CELF2: variants seen among roughly 807,000 people sequenced by gnomAD.
The protein encoded by CELF2 is CUG triplet repeat RNA-binding protein 2.
A neutral mutation model predicts 62.6 loss-of-function variants in CELF2; 8 were observed. The observed-to-expected ratio is 0.13, with a 90% CI of 0.07 to 0.23. The LOEUF (loss-of-function observed/expected upper bound fraction) is 0.23, where lower values mean the gene tolerates loss of function less well. CELF2 is among the 10% of genes least tolerant of loss of function. CELF2 has a pLI of 1.00. For missense variants in CELF2, 333 were observed against 671.0 expected (o/e 0.50, Z 5.56); for synonymous variants, 258 against 250.0 (o/e 1.03, Z -0.30).
At chr10:10,850,959 C>A (rs932367290) in intron 1 of CELF2, among the ~76,000 whole-genome samples, 3 of 152,082 alleles carry the variant, frequency 2.0e-5, no homozygotes, top group Non-Finnish European at 4.4e-5. Flanking sequence ...GCGCCCCCCA[C>A]CATGCCTGGC....
At chr10:11,154,483 A>T (rs546436706) in intron 1 of CELF2, among the ~76,000 whole-genome samples, 75 of 152,356 alleles carry the variant, frequency 4.9e-4, no homozygotes, top group South Asian at 1.4e-3. Context: ...TGGAAAGGAA[A>T]CATGCAGGAT....
the CELF2 span, among the ~76,000 whole-genome samples, chr10:10,539,754 T>C: frequency 3.3e-5 from 5 of 152,152 alleles, no homozygotes; most frequent in Non-Finnish European, 1.5e-5. Flanking sequence ...AGTCCATCAG[T>C]GAAAAAGGCC....
chr10:10,724,523 G>T, the CELF2 span, among the ~76,000 whole-genome samples: 3 of 152,180 alleles, frequency 2.0e-5, no homozygotes, highest in East Asian at 5.8e-4. Flanking sequence ...AGGCATGGTG[G>T]CAGGTGCCTG....
the CELF2 span, among the ~76,000 whole-genome samples, chr10:10,561,373 T>C: frequency 1.3e-5 from 2 of 152,168 alleles, no homozygotes; most frequent in African/African-American, 4.8e-5. Flanking sequence ...GGAAAGTACA[T>C]AGTCATGCTC....
chr10:11,276,748 G>A (rs749549334), intron 8 of CELF2, among the ~76,000 whole-genome samples: 23 of 152,178 alleles, frequency 1.5e-4, no homozygotes, highest in Non-Finnish European at 2.5e-4. Flanking sequence ...GGCTGCTGCC[G>A]AGCGTGCTGT....
intron 1 of CELF2, among the ~76,000 whole-genome samples, chr10:10,866,920 C>CAAAAAA (rs56098222): frequency 1.0e-5 from 1 of 97,742 alleles, no homozygotes; most frequent in African/African-American, 4.3e-5. Context: ...AACTCCTTCT[C>CAAAAAA]AAAAAAAAAA....
At chr10:10,767,397 G>A in the CELF2 span, among the ~76,000 whole-genome samples, 6 of 152,132 alleles carry the variant, frequency 3.9e-5, no homozygotes, top group Non-Finnish European at 8.8e-5. Flanking sequence ...CATCCTGAGG[G>A]TATGTTTTCA....
chr10:10,663,552 A>T, the CELF2 span, among the ~76,000 whole-genome samples: 2 of 152,248 alleles, frequency 1.3e-5, no homozygotes, highest in Non-Finnish European at 2.9e-5. Context: ...AGGTGAAAAC[A>T]GGAAGAAATA....
intron 8 of CELF2, among the ~76,000 whole-genome samples, chr10:11,277,381 T>G (rs1474187878): frequency 6.6e-6 from 1 of 152,130 alleles, no homozygotes; most frequent in Non-Finnish European, 1.5e-5. Flanking sequence ...GGGGCGCCTC[T>G]CTCCCGAATT....
chr10:11,022,708 G>C (rs533118382), intron 1 of CELF2, among the ~76,000 whole-genome samples: 2 of 152,112 alleles, frequency 1.3e-5, no homozygotes, highest in Non-Finnish European at 1.5e-5. Flanking sequence ...GACAGGTTAC[G>C]TTTGGCATGC....
At chr10:10,977,155 T>C (rs573867732) in intron 2 of CELF2, among the ~76,000 whole-genome samples, 4 of 152,282 alleles carry the variant, frequency 2.6e-5, no homozygotes, top group Admixed American at 2.0e-4. Context: ...TTCCAGAACC[T>C]GAAGCTGATC....
At position 11,303,937 on chromosome 10, in the gene CELF2, G is replaced by A. The variant is rs375362109; in HGVS notation, c.977-10202G>A. Among the ~76,000 whole-genome samples the A allele has an allele frequency of 7.9e-5, 12 of 152,292 alleles. No individual in the cohort carries two copies. In the East Asian group the frequency reaches 1.7e-3, roughly 22 times the overall value. ...GACTTAATAGGCTAAGGCATGTGACGTGCTTTTGGCAATGAGCAGCACGTG... is the reference window on the plus strand; with the variant it reads ...GACTTAATAGGCTAAGGCATGTGACATGCTTTTGGCAATGAGCAGCACGTG... On this transcript the variant is annotated intron_variant, in intron 9 of 12. Coordinates refer to ENST00000633077, the MANE Select transcript of CELF2 (RefSeq NM_001326342.2).
At chr10:10,627,814 G>A in the CELF2 span, among the ~76,000 whole-genome samples, 2 of 152,206 alleles carry the variant, frequency 1.3e-5, no homozygotes, top group Non-Finnish European at 2.9e-5. Flanking sequence ...CTTTCTACCA[G>A]AAGATAAGCT....
chr10:10,970,102 T>C (rs2050604618), intron 2 of CELF2, among the ~76,000 whole-genome samples: 1 of 152,178 alleles, frequency 6.6e-6, no homozygotes, highest in South Asian at 2.1e-4. Context: ...AGGGTCTCAC[T>C]CTGTCACCCA....
rs1413085282 is a variant in CELF2, at chr10:10,995,675, G to A, written c.89+75676G>A. Among the ~76,000 whole-genome samples the A allele has an allele frequency of 6.6e-5, 10 of 152,178 alleles. No individual in the cohort carries two copies. Among genetic ancestry groups the A allele is most frequent in the Admixed American group, 6.5e-4 (10 of 15,270 alleles). On this transcript the variant is annotated intron_variant, in intron 2 of 13. Coordinates refer to the CELF2 transcript ENST00000636488. This position sits in a 1 kb window ranked among gnomAD's most constrained non-coding sequence, Gnocchi z 4.7. ...AGAGTTGTAAGCGGGAGACAGCTAT[G>A]ACCATATTTCAGTATTAAATAACTC... is the stretch of plus-strand genomic sequence containing the variant.
At chr10:11,050,191 T>C (rs991299755) in intron 1 of CELF2, among the ~76,000 whole-genome samples, 4 of 152,310 alleles carry the variant, frequency 2.6e-5, no homozygotes, top group African/African-American at 9.6e-5. Context: ...ACAGAAAATG[T>C]GGCGTTCTAA....
At chr10:10,855,557 C>T (rs2059655331) in intron 1 of CELF2, among the ~76,000 whole-genome samples, 1 of 152,206 alleles carries the variant, frequency 6.6e-6, no homozygotes, top group Admixed American at 6.5e-5. Context: ...CTTTAAAAGG[C>T]TTAGCTACCA....
In CELF2 at chr10:11,220,327, G is replaced by C. The variant is rs1247461900; in HGVS notation, c.354+2820G>C. Among the ~76,000 whole-genome samples, 2 of 152,196 alleles carry C rather than the reference G, an allele frequency of 1.3e-5. No homozygotes were observed. The highest frequency in any genetic ancestry group is 4.8e-5 in the African/African-American group (2 of 41,450). On this transcript the variant is annotated intron_variant, in intron 3 of 12. Coordinates refer to ENST00000633077, the MANE Select transcript of CELF2 (RefSeq NM_001326342.2). The surrounding 1 kb of genome is among the most constrained non-coding windows in gnomAD (Gnocchi z 4.4). ...CAAGCTTGATTGATGTTTGGAGTTT[G>C]CTTTCCTCTGTATGCGCCATCTTTC...
At chr10:11,317,108 C>T (rs1217867190) in intron 10 of CELF2, 2 of 151,670 alleles carry the variant, frequency 1.3e-5, no homozygotes, top group Non-Finnish European at 2.9e-5. Flanking sequence ...CTTATTTTTC[C>T]TTGTTTTAAT....
Sources: allele counts gnomAD v4.1 joint callset (sites outside exome capture counted in the v4.1 genomes callset), GRCh38; gene constraint gnomAD v4.1.1; non-coding constraint Gnocchi (gnomAD v3.1); transcripts MANE v1.5; gene names NCBI Gene and HGNC (gene_info 2026-07-23, HGNC 2026-07-21).